The following TRAPPC9 variants were observed in gnomAD, a reference collection of about 807,000 sequenced individuals.
TRAPPC9 encodes the protein trafficking protein particle complex subunit 9, also known as IKK2 binding protein.
In TRAPPC9, 83 loss-of-function variants were observed where a neutral mutation model predicts 124.0. That is an observed-to-expected ratio of 0.67 (90% CI 0.56 to 0.80). TRAPPC9 has a LOEUF of 0.80. Among genes scored for constraint, TRAPPC9 ranks in the 30% least tolerant of loss-of-function variants. TRAPPC9 has a pLI of 0.00. For missense variants in TRAPPC9, 1,302 were observed against 1,508.3 expected, an observed-to-expected ratio of 0.86 and a Z score of 2.27; for synonymous variants, 638 against 617.5, an observed-to-expected ratio of 1.03 and a Z score of -0.49.
At chr8:140,420,720 C>A (rs2070172321) in intron 5 of TRAPPC9, among the ~76,000 whole-genome samples, 1 of 151,520 alleles carries the variant, frequency 6.6e-6, no homozygotes, top group South Asian at 2.1e-4. Context: ...AAGAGATAAA[C>A]AAATATCTAG....
chr8:140,357,299 T>C (rs550026336), intron 9 of TRAPPC9, among the ~76,000 whole-genome samples: 1 of 151,628 alleles, frequency 6.6e-6, no homozygotes, highest in African/African-American at 2.4e-5. Context: ...AAGGAAGGTG[T>C]GTGCTGAAGA....
In TRAPPC9 at chr8:140,044,717, G is replaced by A. The variant is rs186431858; in HGVS notation, c.2557-20638C>T. Among the ~76,000 whole-genome samples, 23 of 152,298 alleles carry A rather than the reference G, an allele frequency of 1.5e-4. No individual in the cohort carries two copies. In the East Asian group the frequency reaches 3.1e-3, roughly 20 times the overall value. ...GGCTTTCAGAAGATTACAGCTTCTC[G>A]CCTCGGGGAGAATAAGTCCCTATTA... On this transcript the variant is annotated intron_variant, in intron 17 of 22. Coordinates refer to ENST00000438773, the MANE Select transcript of TRAPPC9 (RefSeq NM_001160372.4).
chr8:139,851,491 C>G (rs1424295914), intron 21 of TRAPPC9, among the ~76,000 whole-genome samples: 1 of 152,124 alleles, frequency 6.6e-6, no homozygotes, highest in East Asian at 1.9e-4. Flanking sequence ...TGGGACCGGG[C>G]CTGCTTTCCA....
At chr8:140,078,922 G>A (rs1460043136) in intron 17 of TRAPPC9, among the ~76,000 whole-genome samples, 1 of 152,092 alleles carries the variant, frequency 6.6e-6, no homozygotes, top group Non-Finnish European at 1.5e-5. Context: ...GCTTTCCAGT[G>A]ATATGGTTTG....
At chr8:139,910,103 G>C in intron 20 of TRAPPC9, 44 bp downstream of exon 20, 1 of 1,612,604 alleles carries the variant, frequency 6.2e-7, no homozygotes, top group Admixed American at 1.7e-5. Flanking sequence ...TGGAACCCTG[G>C]GCAAAGGTGC....
chr8:140,389,358 A>G (rs1021629829), intron 7 of TRAPPC9, among the ~76,000 whole-genome samples: 9 of 152,214 alleles, frequency 5.9e-5, no homozygotes, highest in Non-Finnish European at 1.3e-4. Flanking sequence ...TATATTATAC[A>G]TTACAAATAT....
intron 17 of TRAPPC9, among the ~76,000 whole-genome samples, chr8:140,207,719 T>C (rs2062960291): frequency 6.6e-6 from 1 of 152,246 alleles, no homozygotes; most frequent in African/African-American, 2.4e-5. Context: ...CTGAGAATCC[T>C]GGTGTTTTGC....
At chr8:139,784,633 AT>A (rs1563810555) in intron 21 of TRAPPC9, among the ~76,000 whole-genome samples, 2 of 143,770 alleles carry the variant, frequency 1.4e-5, no homozygotes, top group African/African-American at 5.0e-5. Context: ...ATATATATAT[AT>A]ATATATATAT....
intron 17 of TRAPPC9, among the ~76,000 whole-genome samples, chr8:140,152,884 T>G (rs1384708723): frequency 6.6e-6 from 1 of 152,238 alleles, no homozygotes; most frequent in African/African-American, 2.4e-5. Context: ...TTTCATTTTC[T>G]AACACAATTA....
intron 21 of TRAPPC9, among the ~76,000 whole-genome samples, chr8:139,811,595 T>C (rs2130746627): frequency 6.6e-6 from 1 of 152,310 alleles, no homozygotes; most frequent in East Asian, 1.9e-4. Context: ...CTGCAAAGGA[T>C]CAGGAGCTCG....
At chr8:140,269,552 TAAAATAAA>T (rs2064810279) in intron 15 of TRAPPC9, among the ~76,000 whole-genome samples, 1 of 64,476 alleles carries the variant, frequency 1.6e-5, no homozygotes, top group African/African-American at 8.4e-5. Flanking sequence ...AAAAATAAAA[TAAAATAAA>T]TAAATAAATA....
chr8:140,418,029 G>A (rs2070003360), intron 5 of TRAPPC9, among the ~76,000 whole-genome samples: 1 of 152,178 alleles, frequency 6.6e-6, no homozygotes, highest in African/African-American at 2.4e-5. Context: ...CATGGACACA[G>A]GGAGGGGAAC....
rs73725012 is a variant in TRAPPC9 at position 139,794,851 on chromosome 8, C to T, written c.3056-62649G>A. The stretch of plus-strand genomic sequence containing the variant: ...TTCTGCACAAGTAGCAGTGGATGGC[C>T]CAGAAGTCATTGGACTTTTAAGGCC... On this transcript the variant is annotated intron_variant, in intron 21 of 22. Transcript: ENST00000438773. Among the ~76,000 whole-genome samples, 1,477 of 152,298 alleles carry T rather than the reference C, an allele frequency of 9.7e-3. 30 individuals carry two copies. Among genetic ancestry groups the T allele is most frequent in the African/African-American group, 0.034 (1,406 of 41,550 alleles).
intron 11 of TRAPPC9, among the ~76,000 whole-genome samples, chr8:140,300,251 A>G (rs1432636329): frequency 3.5e-5 from 5 of 141,794 alleles, no homozygotes; most frequent in Non-Finnish European, 7.4e-5. Context: ...GCACGCATGC[A>G]TACACACATA....
chr8:139,822,048 T>C (rs542305155), intron 21 of TRAPPC9, among the ~76,000 whole-genome samples: 2 of 152,214 alleles, frequency 1.3e-5, no homozygotes, highest in Non-Finnish European at 2.9e-5. Flanking sequence ...TCAGTCGTGA[T>C]GGCTTTATTA....
At chr8:139,967,552 T>C (rs960093616) in intron 19 of TRAPPC9, among the ~76,000 whole-genome samples, 52 of 152,214 alleles carry the variant, frequency 3.4e-4, no homozygotes, top group African/African-American at 1.2e-3. Flanking sequence ...GAGAGACTGA[T>C]GTCTAAACAA....
At chr8:140,240,738 T>C (rs2063838795) in intron 16 of TRAPPC9, among the ~76,000 whole-genome samples, 1 of 151,830 alleles carries the variant, frequency 6.6e-6, no homozygotes, top group Admixed American at 6.6e-5. Flanking sequence ...AGAGATGGGG[T>C]CTTGTTGCAC....
intron 17 of TRAPPC9, among the ~76,000 whole-genome samples, chr8:140,041,974 A>G (rs191526716): frequency 3.9e-5 from 6 of 152,304 alleles, no homozygotes; most frequent in Non-Finnish European, 7.4e-5. Flanking sequence ...GTCTCAAAAA[A>G]AAAAAAATCT....
At chr8:139,832,888 C>G (rs1826083756) in intron 21 of TRAPPC9, among the ~76,000 whole-genome samples, 1 of 152,134 alleles carries the variant, frequency 6.6e-6, no homozygotes, top group Admixed American at 6.5e-5. Flanking sequence ...GCATTCTCTG[C>G]TAAAAGGGAG....
Sources: gnomAD v4.1 joint callset for allele counts (sites outside exome capture counted in the v4.1 genomes callset) on GRCh38, gnomAD v4.1.1 for gene constraint, MANE v1.5 for transcripts, NCBI Gene and HGNC (gene_info 2026-07-23, HGNC 2026-07-21) for gene names.